Variants in PCDH18 observed in about 807,000 individuals in gnomAD.
PCDH18 encodes the protein protocadherin-18.
In PCDH18, 38 loss-of-function variants were observed where a neutral mutation model predicts 71.5. The observed-to-expected ratio is 0.53, with a 90% confidence interval of 0.41 to 0.70. The LOEUF (loss-of-function observed/expected upper bound fraction) is 0.70, where lower values mean the gene tolerates loss of function less well. Ranked by LOEUF, PCDH18 falls within the 30% of genes least tolerant of loss-of-function variation. PCDH18 has a pLI of 0.00. For missense variants in PCDH18, 1,334 were observed against 1,384.6 expected (o/e 0.96, Z 0.58); for synonymous variants, 565 against 505.4 (o/e 1.12, Z -1.58).
At chr4:137,526,773 C>T (rs1019189032) in intron 3 of PCDH18, among the ~76,000 whole-genome samples, 5 of 151,790 alleles carry the variant, frequency 3.3e-5, no homozygotes, top group African/African-American at 1.2e-4. Context: ...GTCTTTAGAA[C>T]ATAAGAACAA....
intron 3 of PCDH18, among the ~76,000 whole-genome samples, chr4:137,523,517 T>C (rs575397818): frequency 6.6e-4 from 101 of 152,252 alleles, no homozygotes; most frequent in African/African-American, 2.4e-3. Context: ...TCTATTGTCT[T>C]ACTCATATCC....
chr4:137,531,667 A>G lies in PCDH18; in HGVS notation c.422T>C (p.Leu141Pro). The change falls in exon 1 of 4, where the codon CTC becomes CCC. Residue 141 changes from leucine (L) to proline (P), a missense_variant. Leu to Pro is a moderately conservative substitution (Grantham distance 98, BLOSUM62 -3). This residue lies in a region of PCDH18 where 1,011 missense variants were observed against 1,048.0 expected (regional missense o/e 0.96). Coordinates refer to ENST00000344876, the MANE Select transcript of PCDH18 (RefSeq NM_019035.5). ...NDNSPQFSRSLIPIEISESAA... is the reference protein window; with the variant it reads ...NDNSPQFSRSPIPIEISESAA... Reference sequence around the variant, plus strand: ...ACTCTCAGATATCTCAATAGGTATGAGAGATCTTGAAAACTGGGGAGAATT... The same window carrying G: ...ACTCTCAGATATCTCAATAGGTATGGGAGATCTTGAAAACTGGGGAGAATT... The G allele has an allele frequency of 1.2e-6, 2 of 1,614,092 alleles. No individual in the cohort carries two copies. Among genetic ancestry groups the G allele is most frequent in the Non-Finnish European group, 1.7e-6 (2 of 1,179,918 alleles).
Position 137,530,735 on chromosome 4 carries a change from T to A in PCDH18, c.1354A>T (p.Thr452Ser). Residue 452 changes from threonine (T) to serine (S), a missense_variant, in exon 1 of 4, where the codon ACA (threonine) becomes TCA (serine). Transcript: ENST00000344876. ...TCATTGATATCATTGATTTGAACTG[T>A]AAAATGTTTCACTGTAGAGAGACTG... ...TPSLSTVKHF[T>S]VQINDINDNP... 6.2e-7 allele frequency: 1 copy of A among 1,613,144 alleles called. No homozygotes were observed.
Position 137,521,098 on chromosome 4 carries a change from G to T in PCDH18, c.3339C>A (p.His1113Gln). The change falls in exon 4 of 4, where the codon CAC (histidine) becomes CAA (glutamine). Residue 1113 changes from histidine (H) to glutamine (Q), a missense_variant. Coordinates refer to ENST00000344876, the MANE Select transcript of PCDH18 (RefSeq NM_019035.5). ...NVLNHLNDGK[H>Q]ELMDASELVA... is the part of the protein sequence containing the mutation. ...CCAGTTCACTGGCATCCATGAGTTC[G>T]TGTTTCCCATCATTGAGGTGGTTGA... is the stretch of plus-strand genomic sequence containing the variant. 6.2e-7 allele frequency: 1 copy of T among 1,613,634 alleles called. No homozygotes were observed. Among genetic ancestry groups the T allele is most frequent in the South Asian group, 1.1e-5 (1 of 91,046 alleles).
In PCDH18 at chr4:137,521,006, C is replaced by T. The variant is rs769450767; in HGVS notation, c.*23G>A. 2 of 1,527,944 alleles carry T rather than the reference C, an allele frequency of 1.3e-6. No homozygotes were observed. Among genetic ancestry groups the T allele is most frequent in the Middle Eastern group, 1.8e-4 (1 of 5,638 alleles). 94.6% of individuals were successfully genotyped at this position (1,527,944 alleles called of 1,614,324 possible). A position where few individuals can be genotyped will look rare whatever the true frequency, so the allele number is the denominator to read the frequency against. ...TTCCCTATTTCCATATACATGGAAA[C>T]AAAAATGCTTCGCTAAAATCTCCTA... On this transcript the variant is annotated 3_prime_UTR_variant, in exon 4 of 4. Coordinates refer to ENST00000344876, the MANE Select transcript of PCDH18 (RefSeq NM_019035.5).
At chr4:137,522,863 A>T (rs60785974) in intron 3 of PCDH18, among the ~76,000 whole-genome samples, 27,402 of 152,096 alleles carry the variant, frequency 0.18, 3,072 homozygotes, top group East Asian at 0.35. Context: ...AAGTGCCTGC[A>T]TACAGTAGGT....
chr4:137,527,510 T>G (rs911992611), intron 3 of PCDH18, among the ~76,000 whole-genome samples: 1 of 152,182 alleles, frequency 6.6e-6, no homozygotes, highest in African/African-American at 2.4e-5. Flanking sequence ...TTGATTTTCT[T>G]GAATTCCTGT....
chr4:137,529,809 T>C lies in PCDH18; in HGVS notation c.2280A>G (p.Thr760=), dbSNP rs1039499939. 13 of 1,612,380 alleles carry C rather than the reference T, an allele frequency of 8.1e-6. No individual in the cohort carries two copies. The highest frequency in any genetic ancestry group is 9.3e-6 in the Non-Finnish European group (11 of 1,178,792). Residue 760 remains threonine (T), a synonymous_variant, in exon 1 of 4, where the codon ACA becomes ACG. Transcript: ENST00000344876. ...PSRQIHKGDI[T]LVPTINGTLP... ...GAGTGCCATTTATGGTAGGCACCAA[T>C]GTGATGTCCCCTTTGTGAATCTGCC... is the stretch of plus-strand genomic sequence containing the variant.
In PCDH18 at chr4:137,531,473, G is replaced by T. The variant is rs755471100; in HGVS notation, c.616C>A (p.Arg206=). The part of the protein sequence containing the change: ...AELIVVRELD[R]ELKSSYELQL... ...AGCTCGTAGCTTGACTTCAGCTCCCGATCTAACTCTCTGACCACTATGAGT... is the reference window on the plus strand; with the variant it reads ...AGCTCGTAGCTTGACTTCAGCTCCCTATCTAACTCTCTGACCACTATGAGT... Residue 206 remains arginine (R), a synonymous_variant, in exon 1 of 4, where the codon CGG becomes AGG. Coordinates refer to ENST00000344876, the MANE Select transcript of PCDH18 (RefSeq NM_019035.5). 12 of 1,613,788 alleles carry T rather than the reference G, an allele frequency of 7.4e-6. No individual in the cohort carries two copies. The South Asian group carries it at 1.3e-4, about 18-fold the overall frequency.
chr4:137,529,624 G>T lies in PCDH18; in HGVS notation c.2465C>A (p.Thr822Asn). The T allele has an allele frequency of 6.2e-7, 1 of 1,607,060 alleles. No individual in the cohort carries two copies. Residue 822 changes from threonine (T) to asparagine (N), a missense_variant, in exon 1 of 4, where the codon ACC (threonine) becomes AAC (asparagine). Physicochemically the swap from Thr to Asn is moderately conservative, Grantham distance 65 (BLOSUM62 0). Around this residue, in one of 3 missense-constraint regions of PCDH18, gnomAD observed 1,011 missense variants for 1,048.0 expected, o/e 0.96. Transcript: ENST00000344876. ...HVPENFSLELTHATPAVEQVS... is the reference protein window; with the variant it reads ...HVPENFSLELNHATPAVEQVS... ...TACCTCAACAGCAGGAGTGGCGTGG[G>T]TGAGTTCTAATGAGAAATTCTCTGG...
Position 137,532,430 on chromosome 4 carries a change from T to C in PCDH18, c.-342A>G. 1 of 684,004 alleles carries C rather than the reference T, an allele frequency of 1.5e-6. No homozygotes were observed. The highest frequency in any genetic ancestry group is 1.5e-5 in the South Asian group (1 of 65,360). The allele number at this position is 684,004 out of a possible 1,614,324, so 42.4% of individuals were successfully genotyped here. A position where few individuals can be genotyped will look rare whatever the true frequency, so the allele number is the denominator to read the frequency against. ...GCAGTGTGTCTTTCCTGAGCGATTC[T>C]TTCTCCCTTTAGCTGCTCGGCTGCA... On this transcript the variant is annotated 5_prime_UTR_variant, in exon 1 of 4. Coordinates refer to ENST00000344876, the MANE Select transcript of PCDH18 (RefSeq NM_019035.5).
chr4:137,531,664 A>C lies in PCDH18; in HGVS notation c.425T>G (p.Ile142Arg). 1 of 1,613,140 alleles carries C rather than the reference A, an allele frequency of 6.2e-7. No individual in the cohort carries two copies. The change falls in exon 1 of 4, where the codon ATA (isoleucine) becomes AGA (arginine). Residue 142 changes from isoleucine (I) to arginine (R), a missense_variant. Ile to Arg is a moderately conservative substitution (Grantham distance 97, BLOSUM62 -3). This residue lies in a region of PCDH18 where 1,011 missense variants were observed against 1,048.0 expected (regional missense o/e 0.96). Coordinates refer to ENST00000344876, the MANE Select transcript of PCDH18 (RefSeq NM_019035.5). ...DNSPQFSRSL[I>R]PIEISESAAV... ...TGCACTCTCAGATATCTCAATAGGT[A>C]TGAGAGATCTTGAAAACTGGGGAGA...
At position 137,529,781 on chromosome 4, in the gene PCDH18, G is replaced by A. The variant is rs763469963; in HGVS notation, c.2308C>T (p.Pro770Ser). 4 of 1,613,332 alleles carry A rather than the reference G, an allele frequency of 2.5e-6. No homozygotes were observed. The Admixed American group carries it at 5.0e-5, about 20-fold the overall frequency. Residue 770 changes from proline to serine, a missense_variant, in exon 1 of 4, where the codon CCC becomes TCC. Pro to Ser is a moderately conservative substitution (Grantham distance 74). This residue lies in a region of PCDH18 where 1,011 missense variants were observed against 1,048.0 expected (regional missense o/e 0.96). Transcript: ENST00000344876. ...GACGATCTGTGATGAGATCTGATGGGCAGAGTGCCATTTATGGTAGGCACC... is the reference window on the plus strand; with the variant it reads ...GACGATCTGTGATGAGATCTGATGGACAGAGTGCCATTTATGGTAGGCACC... ...TLVPTINGTL[P>S]IRSHHRSSPS...
In PCDH18 at chr4:137,530,382, T is replaced by G. The variant is rs1272428665; in HGVS notation, c.1707A>C (p.Glu569Asp). The change falls in exon 1 of 4, where the codon GAA becomes GAC. Residue 569 changes from glutamate (E) to aspartate (D), a missense_variant. By Grantham distance (45) the Glu-to-Asp change is conservative (BLOSUM62 2). Transcript: ENST00000344876. ...NTTVVLTIID[E>D]NDNVPVVIGP... ...CTATAACCACAGGAACGTTGTCATT[T>G]TCGTCAATGATGGTGAGCACAACTG... 6.2e-7 allele frequency: 1 copy of G among 1,614,108 alleles called. No individual in the cohort carries two copies. Among genetic ancestry groups the G allele is most frequent in the African/African-American group, 1.3e-5 (1 of 75,046 alleles).
At chr4:137,529,115 C>T (rs760534968) in intron 1 of PCDH18, 1 of 384,820 alleles carries the variant, frequency 2.6e-6, no homozygotes, top group Non-Finnish European at 4.7e-6. Flanking sequence ...AAAGTGACCA[C>T]CTGTAAAAAT....
chr4:137,528,960 G>A, intron 1 of PCDH18, 140 bp from the exon 2 acceptor site: 1 of 658,960 alleles, frequency 1.5e-6, no homozygotes. Context: ...TGCAAATGCT[G>A]GACTGTGGCG....
rs140662811 is a variant in PCDH18 at position 137,530,352 on chromosome 4, A to G, written c.1737T>C (p.Pro579=). The change falls in exon 1 of 4, where the codon CCT becomes CCC. Residue 579 remains proline, a synonymous_variant. Transcript: ENST00000344876. ...ENDNVPVVIG[P]ALRNNTAEIT... is the part of the protein sequence containing the mutation. ...TTTCTGCCGTATTATTACGCAATGCAGGCCCTATAACCACAGGAACGTTGT... is the reference window on the plus strand; with the variant it reads ...TTTCTGCCGTATTATTACGCAATGCGGGCCCTATAACCACAGGAACGTTGT... The G allele has an allele frequency of 5.6e-6, 9 of 1,613,808 alleles. No homozygotes were observed. The highest frequency in any genetic ancestry group is 2.7e-5 in the African/African-American group (2 of 74,928).
rs201671778 is a variant in PCDH18 at position 137,529,637 on chromosome 4, A to G, written c.2452T>C (p.Ser818Pro). ...GGAGTGGCGTGGGTGAGTTCTAATG[A>G]GAAATTCTCTGGCACGTGGTTTGAT... ...ISSNHVPENFSLELTHATPAV... is the reference protein window; with the variant it reads ...ISSNHVPENFPLELTHATPAV... Residue 818 changes from serine (S) to proline (P), a missense_variant, in exon 1 of 4, where the codon TCA becomes CCA. Ser to Pro is a moderately conservative substitution (Grantham distance 74, BLOSUM62 -1). This residue lies in a region of PCDH18 where 1,011 missense variants were observed against 1,048.0 expected (regional missense o/e 0.96). Transcript: ENST00000344876. 10 of 1,611,688 alleles carry G rather than the reference A, an allele frequency of 6.2e-6. No individual in the cohort carries two copies. In the East Asian group the frequency reaches 2.2e-4, roughly 36 times the overall value.
Position 137,531,455 on chromosome 4 carries a change from A to G in PCDH18, c.634T>C (p.Tyr212His), listed in dbSNP as rs578010118. Residue 212 changes from tyrosine (Y) to histidine (H), a missense_variant, in exon 1 of 4, where the codon TAC becomes CAC. Coordinates refer to ENST00000344876, the MANE Select transcript of PCDH18 (RefSeq NM_019035.5). ...TCTGAGGCAGTGAGCTGAAGCTCGTAGCTTGACTTCAGCTCCCGATCTAAC... is the reference window on the plus strand; with the variant it reads ...TCTGAGGCAGTGAGCTGAAGCTCGTGGCTTGACTTCAGCTCCCGATCTAAC... ...RELDRELKSS[Y>H]ELQLTASDMG... 1.2e-6 allele frequency: 2 copies of G among 1,613,876 alleles called. No homozygotes were observed. The highest frequency in any genetic ancestry group is 2.2e-5 in the South Asian group (2 of 91,040).
Sources: gnomAD v4.1 joint callset for allele counts (sites outside exome capture counted in the v4.1 genomes callset) on GRCh38, gnomAD v4.1.1 for gene constraint, gnomAD v4.1.1 regional missense constraint, MANE v1.5 for transcripts, NCBI Gene and HGNC (gene_info 2026-07-23, HGNC 2026-07-21) for gene names.